Variants in PCDHA2 observed in about 807,000 individuals in gnomAD.
PCDHA2 encodes protocadherin alpha-2.
PCDHA2 carries 58 observed loss-of-function variants against 66.0 expected under a neutral mutation model. That is an observed-to-expected ratio of 0.88 (90% CI 0.71 to 1.09). The LOEUF (loss-of-function observed/expected upper bound fraction) is 1.09, where lower values mean the gene tolerates loss of function less well. Ranked by LOEUF, PCDHA2 falls within the 50% of genes least tolerant of loss-of-function variation. The pLI is 0.00. For synonymous variants in PCDHA2, 634 were observed against 554.0 expected (o/e 1.14, Z -2.03); for missense variants, 1,267 against 1,242.3 (o/e 1.02, Z -0.30).
intron 1 of PCDHA2, chr5:140,821,877 C>T (rs2150111547): frequency 1.1e-5 from 18 of 1,614,240 alleles, no homozygotes; most frequent in Non-Finnish European, 1.4e-5. Flanking sequence ...ACTACTCGAT[C>T]CCGGAGGAAG....
intron 3 of PCDHA2, chr5:140,989,112 T>C (rs1312650713): frequency 1.3e-5 from 2 of 152,222 alleles, no homozygotes; most frequent in Non-Finnish European, 2.9e-5. Context: ...CTTTTGAATA[T>C]ATCTTAGAAA....
rs149837711 is a variant in PCDHA2 at position 140,940,786 on chromosome 5, G to A, written c.2389-38163G>A. Reference sequence around the variant, plus strand: ...TTTGACTTTTGATGGTCCATATCCTGAAAATGATATTTGCCAGGATATCCT... The same window carrying A: ...TTTGACTTTTGATGGTCCATATCCTAAAAATGATATTTGCCAGGATATCCT... On this transcript the variant is annotated intron_variant, in intron 1 of 3. Coordinates refer to ENST00000526136, the MANE Select transcript of PCDHA2 (RefSeq NM_018905.3). 1.1e-4 allele frequency among the ~76,000 whole-genome samples: 17 copies of A among 152,224 alleles called. 1 individual carries two copies. The East Asian group carries it at 2.9e-3, about 26-fold the overall frequency.
chr5:140,939,424 A>G lies in PCDHA2; in HGVS notation c.2389-39525A>G, dbSNP rs186047779. 5.0e-4 allele frequency among the ~76,000 whole-genome samples: 76 copies of G among 152,290 alleles called. 1 individual carries two copies. Among genetic ancestry groups the G allele is most frequent in the Admixed American group, 1.3e-4 (2 of 15,302 alleles). On this transcript the variant is annotated intron_variant, in intron 1 of 3. Coordinates refer to ENST00000526136, the MANE Select transcript of PCDHA2 (RefSeq NM_018905.3). ...GTGTAAATCAGCATTTTTTTCTTCC[A>G]TAAGCATTTGAAGAATTAAGAGTGA...
intron 1 of PCDHA2, chr5:140,836,477 G>A: frequency 1.9e-6 from 3 of 1,613,846 alleles, no homozygotes; most frequent in South Asian, 1.1e-5. Flanking sequence ...ATGTCAACGT[G>A]TACCTGATCA....
chr5:140,831,954 TTA>T (rs1771776024), intron 1 of PCDHA2, among the ~76,000 whole-genome samples: 2 of 152,186 alleles, frequency 1.3e-5, no homozygotes, highest in South Asian at 4.1e-4. Flanking sequence ...AAGAAAAACT[TTA>T]TGTCATTTTA....
chr5:140,896,536 CT>C (rs34213614), intron 1 of PCDHA2, among the ~76,000 whole-genome samples: 112 of 145,476 alleles, frequency 7.7e-4, no homozygotes, highest in Admixed American at 9.6e-4. Flanking sequence ...AGCTATTTTT[CT>C]TTTTTTTTTT....
At chr5:140,871,438 C>G (rs1246532449) in intron 1 of PCDHA2, 3 of 1,611,836 alleles carry the variant, frequency 1.9e-6, no homozygotes, top group Middle Eastern at 1.7e-4. Flanking sequence ...TCCTCTAGGT[C>G]TGAATAAAGA....
At chr5:140,922,866 G>GA (rs557650266) in intron 1 of PCDHA2, among the ~76,000 whole-genome samples, 1 of 152,096 alleles carries the variant, frequency 6.6e-6, no homozygotes. Flanking sequence ...TAGACAAGGG[G>GA]AAAAAATCCA....
In PCDHA2 at chr5:140,882,341, G is replaced by A. The variant is rs782271839; in HGVS notation, c.2388+84989G>A. 5.6e-6 allele frequency: 9 copies of A among 1,614,058 alleles called. No individual in the cohort carries two copies. The Admixed American group carries it at 1.3e-4, about 24-fold the overall frequency. ...CTGGCTTCTGATCCTCGCAGCCTGGGAGACGGGTAGTGGCCAGCTCCACTA... is the reference window on the plus strand; with the variant it reads ...CTGGCTTCTGATCCTCGCAGCCTGGAAGACGGGTAGTGGCCAGCTCCACTA... On this transcript the variant is annotated intron_variant, in intron 1 of 3. Coordinates refer to ENST00000526136, the MANE Select transcript of PCDHA2 (RefSeq NM_018905.3).
At chr5:140,882,225 C>T (rs782533520) in intron 1 of PCDHA2, 9 of 1,559,344 alleles carry the variant, frequency 5.8e-6, no homozygotes, top group Middle Eastern at 1.7e-4. Flanking sequence ...TGAGGTAAGG[C>T]GTTGTATATA....
intron 1 of PCDHA2, among the ~76,000 whole-genome samples, chr5:140,831,611 C>T (rs1403752788): frequency 9.3e-5 from 14 of 150,788 alleles, no homozygotes. Flanking sequence ...GATCTGCCCA[C>T]CTTGGCCTCC....
chr5:140,830,110 C>A, intron 1 of PCDHA2: 2 of 1,613,556 alleles, frequency 1.2e-6, no homozygotes, highest in Non-Finnish European at 1.7e-6. Flanking sequence ...TGGAGAGTGG[C>A]CAGGCTCCAA....
At chr5:140,924,732 T>TA (rs1333846222) in intron 1 of PCDHA2, among the ~76,000 whole-genome samples, 2 of 151,706 alleles carry the variant, frequency 1.3e-5, no homozygotes, top group African/African-American at 4.8e-5. Flanking sequence ...TCACCTCTAA[T>TA]AAAAATACAA....
intron 1 of PCDHA2, chr5:140,803,302 T>C: frequency 6.2e-7 from 1 of 1,614,112 alleles, no homozygotes; most frequent in Non-Finnish European, 8.5e-7. Context: ...TACTTGATCG[T>C]CGCCATCTGC....
At chr5:140,898,984 C>T (rs1237034997) in intron 1 of PCDHA2, among the ~76,000 whole-genome samples, 3 of 151,964 alleles carry the variant, frequency 2.0e-5, no homozygotes, top group Non-Finnish European at 4.4e-5. Flanking sequence ...TGATTTGGCT[C>T]TCTGTTTGTC....
At chr5:140,921,287 A>C (rs1563045357) in intron 1 of PCDHA2, among the ~76,000 whole-genome samples, 1 of 152,210 alleles carries the variant, frequency 6.6e-6, no homozygotes. Flanking sequence ...AAAAAACCTC[A>C]AATTTGCTGA....
chr5:140,997,664 C>A (rs2097778003), intron 3 of PCDHA2, among the ~76,000 whole-genome samples: 1 of 142,906 alleles, frequency 7.0e-6, no homozygotes, highest in African/African-American at 2.5e-5. Context: ...TATTATTATA[C>A]AGCTTGTGTG....
At chr5:140,827,857 T>C (rs1368807201) in intron 1 of PCDHA2, 6 of 511,642 alleles carry the variant, frequency 1.2e-5, no homozygotes, top group Non-Finnish European at 1.7e-5. Context: ...TTTAAAAATA[T>C]ATGGTATAGC....
chr5:140,915,008 T>C (rs1201776517), intron 1 of PCDHA2, among the ~76,000 whole-genome samples: 1 of 150,866 alleles, frequency 6.6e-6, no homozygotes, highest in Non-Finnish European at 1.5e-5. Context: ...TGCAGTGGCC[T>C]GATCTTGGCT....
Sources: gnomAD v4.1 joint callset for allele counts (sites outside exome capture counted in the v4.1 genomes callset) on GRCh38, gnomAD v4.1.1 for gene constraint, MANE v1.5 for transcripts, NCBI Gene and HGNC (gene_info 2026-07-23, HGNC 2026-07-21) for gene names.